Variants in RBFOX3 observed in about 807,000 individuals in gnomAD.
The protein encoded by RBFOX3 is RNA binding fox-1 homolog 3.
RBFOX3 carries 17 observed loss-of-function variants against 48.7 expected under a neutral mutation model. The observed-to-expected ratio is 0.35, with a 90% confidence interval of 0.24 to 0.52. The LOEUF is 0.52. Among genes scored for constraint, RBFOX3 ranks in the 20% least tolerant of loss-of-function variants. RBFOX3 has a pLI of 0.94. For missense variants in RBFOX3, 382 were observed against 497.5 expected (o/e 0.77, Z 2.21); for synonymous variants, 212 against 209.5 (o/e 1.01, Z -0.10).
At position 79,356,366 on chromosome 17, in the gene RBFOX3, T is replaced by G. The variant is rs1479108185; in HGVS notation, c.-174-48542A>C. Among the ~76,000 whole-genome samples, 28 of 105,966 alleles carry G rather than the reference T, an allele frequency of 2.6e-4. 1 individual carries two copies. Among genetic ancestry groups the G allele is most frequent in the South Asian group, 7.5e-4 (2 of 2,684 alleles). The allele number at this position is 105,966 out of a possible 152,430, so 69.5% of individuals were successfully genotyped here. A position where few individuals can be genotyped will look rare whatever the true frequency, so the allele number is the denominator to read the frequency against. ...CAGGGAAGTTTTTTTTTTTTTTTTTTTTTTTTTTTTTTTTTTTTTTGAGGA... is the reference window on the plus strand; with the variant it reads ...CAGGGAAGTTTTTTTTTTTTTTTTTGTTTTTTTTTTTTTTTTTTTTGAGGA... On this transcript the variant is annotated intron_variant, in intron 2 of 14. Transcript: ENST00000693108.
At position 79,262,610 on chromosome 17, in the gene RBFOX3, G is replaced by T. The variant is rs376424882; in HGVS notation, c.-73-26805C>A. On this transcript the variant is annotated intron_variant, in intron 3 of 14. Coordinates refer to ENST00000693108, the MANE Select transcript of RBFOX3 (RefSeq NM_001350451.2). ...CAAGAGGTGGAGGGAGGCCCAGGCT[G>T]GTGGGAAGGGCTGTGGGCCCTCTGT... Among the ~76,000 whole-genome samples, 27 of 152,236 alleles carry T rather than the reference G, an allele frequency of 1.8e-4. 1 individual carries two copies. Among genetic ancestry groups the T allele is most frequent in the Middle Eastern group, 3.4e-3 (1 of 292 alleles).
chr17:79,128,126 T>C (rs1277829731), intron 4 of RBFOX3, among the ~76,000 whole-genome samples: 5 of 152,218 alleles, frequency 3.3e-5, no homozygotes, highest in South Asian at 2.1e-4. Flanking sequence ...CTCCCCAGCA[T>C]TGGCTAAATT....
At chr17:79,156,407 T>C (rs1000232417) in intron 4 of RBFOX3, among the ~76,000 whole-genome samples, 4 of 152,100 alleles carry the variant, frequency 2.6e-5, no homozygotes, top group Non-Finnish European at 4.4e-5. Context: ...CCAGGGACAG[T>C]GACCCCAGAG....
chr17:79,411,954 G>A (rs1598579260), intron 2 of RBFOX3, among the ~76,000 whole-genome samples: 2 of 151,258 alleles, frequency 1.3e-5, no homozygotes, highest in Non-Finnish European at 2.9e-5. Flanking sequence ...GTGTATGCAC[G>A]TGTGTATATA....
intron 1 of RBFOX3, among the ~76,000 whole-genome samples, chr17:79,524,682 G>A (rs1345358008): frequency 2.6e-5 from 4 of 152,148 alleles, no homozygotes; most frequent in African/African-American, 7.2e-5. Flanking sequence ...TGCTGCCCCC[G>A]GCCGGGCTGG....
chr17:79,161,145 C>T (rs1055277063), intron 4 of RBFOX3, among the ~76,000 whole-genome samples: 1 of 152,126 alleles, frequency 6.6e-6, no homozygotes, highest in Non-Finnish European at 1.5e-5. Context: ...GAAAACAAAG[C>T]CTGGTTATGG....
At chr17:79,296,307 A>AC (rs746419443) in intron 3 of RBFOX3, among the ~76,000 whole-genome samples, 1 of 81,106 alleles carries the variant, frequency 1.2e-5, no homozygotes, top group Non-Finnish European at 2.6e-5. Context: ...CACACACACC[A>AC]CACACACACA....
At chr17:79,463,705 T>TGCCACCTCCACC (rs1555751419) in intron 2 of RBFOX3, among the ~76,000 whole-genome samples, 1 of 119,350 alleles carries the variant, frequency 8.4e-6, no homozygotes, top group Admixed American at 8.1e-5. Context: ...CCATCACCAC[T>TGCCACCTCCACC]GCCACCTCCA....
intron 4 of RBFOX3, among the ~76,000 whole-genome samples, chr17:79,219,652 C>T (rs900901246): frequency 2.0e-5 from 3 of 152,186 alleles, no homozygotes; most frequent in South Asian, 2.1e-4. Context: ...AGAGTGGGGG[C>T]GCCTACTCTC....
At position 79,195,411 on chromosome 17, in the gene RBFOX3, A is replaced by AAG; in HGVS notation, c.-34+40354_-34+40355insCT. Reference sequence around the variant, plus strand: ...AGTGAGACTCCATCTTGAAAAAAAAAAAGAAGAAGAAGAAATGCAAAATGC... The same window carrying AAG: ...AGTGAGACTCCATCTTGAAAAAAAAAAGAAGAAGAAGAAGAAATGCAAAATGC... On this transcript the variant is annotated intron_variant, in intron 4 of 14. Coordinates refer to ENST00000693108, the MANE Select transcript of RBFOX3 (RefSeq NM_001350451.2). The surrounding 1 kb of genome is among the most constrained non-coding windows in gnomAD (Gnocchi z 5.3). Among the ~76,000 whole-genome samples, 1 of 152,056 alleles carries AAG rather than the reference A, an allele frequency of 6.6e-6. No homozygotes were observed. The highest frequency in any genetic ancestry group is 2.4e-5 in the African/African-American group (1 of 41,400).
chr17:79,400,628 C>T (rs1403791087), intron 2 of RBFOX3, among the ~76,000 whole-genome samples: 3 of 59,566 alleles, frequency 5.0e-5, no homozygotes, highest in Admixed American at 2.0e-4. Flanking sequence ...GTGTGACCCG[C>T]GAATTAACCA....
chr17:79,475,606 C>T (rs2077618458), intron 2 of RBFOX3, among the ~76,000 whole-genome samples: 1 of 152,168 alleles, frequency 6.6e-6, no homozygotes, highest in African/African-American at 2.4e-5. Context: ...GGGCCCCGAT[C>T]CAATGACTGG....
At chr17:79,562,932 G>A (rs940493711) in intron 1 of RBFOX3, among the ~76,000 whole-genome samples, 1 of 152,204 alleles carries the variant, frequency 6.6e-6, no homozygotes, top group South Asian at 2.1e-4. Flanking sequence ...TGCAGAGCAC[G>A]GCTCTGCTGG....
chr17:79,134,460 T>C (rs2039701906), intron 4 of RBFOX3, among the ~76,000 whole-genome samples: 2 of 152,168 alleles, frequency 1.3e-5, no homozygotes. Context: ...GCCTGGTCGG[T>C]CACATGTGGC....
chr17:79,624,105 A>T, the RBFOX3 span, among the ~76,000 whole-genome samples: 1 of 152,196 alleles, frequency 6.6e-6, no homozygotes, highest in Non-Finnish European at 1.5e-5. Flanking sequence ...CCAGAACGGC[A>T]AGATAATGAA....
Position 79,115,488 on chromosome 17 carries a change from C to T in RBFOX3, c.222+6G>A. On this transcript the variant is annotated splice_donor_region_variant and intron_variant, in intron 5 of 14. Coordinates refer to ENST00000693108, the MANE Select transcript of RBFOX3 (RefSeq NM_001350451.2). ...GGGCTGGGCCTGGGGTCGTGGGGGC[C>T]CTTACCGGCACTGTCTGGGTCCCGG... The T allele has an allele frequency of 1.5e-6, 2 of 1,320,516 alleles. No homozygotes were observed. The highest frequency in any genetic ancestry group is 1.9e-6 in the Non-Finnish European group (2 of 1,035,582). 81.8% of individuals were successfully genotyped at this position (1,320,516 alleles called of 1,614,324 possible).
Position 79,535,840 on chromosome 17 carries a change from G to C in RBFOX3, c.-319-53242C>G, listed in dbSNP as rs2088632877. On this transcript the variant is annotated intron_variant, in intron 1 of 14. Coordinates refer to ENST00000693108, the MANE Select transcript of RBFOX3 (RefSeq NM_001350451.2). The surrounding 1 kb of genome is among the most constrained non-coding windows in gnomAD (Gnocchi z 4.5). ...AGAGTCCACACGGAGAGGGGCCGTG[G>C]GTTGATCTCTGCTCCCCCTCAGTCA... Among the ~76,000 whole-genome samples, 1 of 152,126 alleles carries C rather than the reference G, an allele frequency of 6.6e-6. No individual in the cohort carries two copies. Among genetic ancestry groups the C allele is most frequent in the Non-Finnish European group, 1.5e-5 (1 of 68,018 alleles).
intron 1 of RBFOX3, among the ~76,000 whole-genome samples, chr17:79,555,391 ATGGTGG>A (rs1307306725): frequency 1.3e-4 from 2 of 15,522 alleles, no homozygotes; most frequent in African/African-American, 9.6e-4. Context: ...GGTGGTGGTG[ATGGTGG>A]TGATGATGGT....
At chr17:79,388,080 G>A (rs1430848935) in intron 2 of RBFOX3, among the ~76,000 whole-genome samples, 6 of 152,146 alleles carry the variant, frequency 3.9e-5, no homozygotes, top group South Asian at 2.1e-4. Flanking sequence ...GTGTGCCTAC[G>A]TGTGCATGTG....
Sources: gnomAD v4.1 joint callset for allele counts (sites outside exome capture counted in the v4.1 genomes callset) on GRCh38, gnomAD v4.1.1 for gene constraint, Gnocchi (gnomAD v3.1) non-coding constraint, MANE v1.5 for transcripts, NCBI Gene and HGNC (gene_info 2026-07-23, HGNC 2026-07-21) for gene names.